Variants in ZYG11B observed in about 807,000 individuals in gnomAD.
ZYG11B encodes the protein zyg-11 family member B, cell cycle regulator.
ZYG11B carries 36 observed loss-of-function variants against 82.4 expected under a neutral mutation model. That is an observed-to-expected ratio of 0.44 (90% CI 0.33 to 0.58). The LOEUF is 0.58. Ranked by LOEUF, ZYG11B falls within the 20% of genes least tolerant of loss-of-function variation. The pLI is 0.02. For missense variants in ZYG11B, 552 were observed against 895.6 expected (o/e 0.62, Z 4.90); for synonymous variants, 303 against 312.8 (o/e 0.97, Z 0.33).
chr1:52,755,252 C>T (rs986277502), intron 1 of ZYG11B, among the ~76,000 whole-genome samples: 9 of 151,996 alleles, frequency 5.9e-5, no homozygotes, highest in African/African-American at 1.5e-4. Flanking sequence ...GGAGCCACTG[C>T]ACCCGGCCAA....
chr1:52,760,985 A>G (rs910594149), intron 2 of ZYG11B, among the ~76,000 whole-genome samples: 1 of 151,858 alleles, frequency 6.6e-6, no homozygotes, highest in Non-Finnish European at 1.5e-5. Context: ...CTGGTCTCGA[A>G]CTCCTGACAT....
intron 2 of ZYG11B, among the ~76,000 whole-genome samples, chr1:52,759,229 G>C (rs949738821): frequency 2.0e-5 from 3 of 152,162 alleles, no homozygotes; most frequent in African/African-American, 7.2e-5. Context: ...ACTGCACCCA[G>C]CCAGTGCTCA....
intron 2 of ZYG11B, among the ~76,000 whole-genome samples, chr1:52,766,091 TCTTTTTTTC>T (rs971970538): frequency 2.6e-5 from 4 of 151,178 alleles, no homozygotes; most frequent in African/African-American, 9.7e-5. Flanking sequence ...TTCATTTTTT[TCTTTTTTTC>T]CTTATTAAAT....
intron 1 of ZYG11B, among the ~76,000 whole-genome samples, chr1:52,728,146 C>T (rs915507641): frequency 5.9e-5 from 9 of 152,168 alleles, no homozygotes; most frequent in Middle Eastern, 3.2e-3. Context: ...ATTCCAAGTG[C>T]CCAGGCCAGC....
Position 52,784,803 on chromosome 1 carries a change from A to G in ZYG11B, c.1093-74A>G, listed in dbSNP as rs966652912. 8.0e-6 allele frequency: 12 copies of G among 1,493,532 alleles called. No homozygotes were observed. The African/African-American group carries it at 1.1e-4, about 14-fold the overall frequency. The allele number at this position is 1,493,532 out of a possible 1,614,324, so 92.5% of individuals were successfully genotyped here. The stretch of plus-strand genomic sequence containing the variant: ...ACATCTTTGAAATTACTATAGACCA[A>G]CAAAATAATTCTGCTCTGTGAAGAG... On this transcript the variant is annotated intron_variant, in intron 4 of 13. Coordinates refer to ENST00000294353, the MANE Select transcript of ZYG11B (RefSeq NM_024646.3).
Position 52,771,792 on chromosome 1 carries a change from T to C in ZYG11B, c.951+18T>C, listed in dbSNP as rs1340842306. The C allele has an allele frequency of 1.9e-6, 3 of 1,589,078 alleles. No homozygotes were observed. Among genetic ancestry groups the C allele is most frequent in the Non-Finnish European group, 2.6e-6 (3 of 1,167,926 alleles). On this transcript the variant is annotated intron_variant, in intron 3 of 13. Coordinates refer to ENST00000294353, the MANE Select transcript of ZYG11B (RefSeq NM_024646.3). The surrounding 1 kb of genome is among the most constrained non-coding windows in gnomAD (Gnocchi z 5.4). Reference sequence around the variant, plus strand: ...ATTTGAAGGTTAGACTTTAAAAATGTATTATTTTGTCAGGCTGACCAATAT... The same window carrying C: ...ATTTGAAGGTTAGACTTTAAAAATGCATTATTTTGTCAGGCTGACCAATAT...
chr1:52,759,856 A>G (rs1313652909), intron 2 of ZYG11B, among the ~76,000 whole-genome samples: 2 of 152,142 alleles, frequency 1.3e-5, no homozygotes, highest in Non-Finnish European at 2.9e-5. Flanking sequence ...CTTGAGACAG[A>G]GTCTTGCACT....
At chr1:52,734,357 C>CT (rs1040399950) in intron 1 of ZYG11B, among the ~76,000 whole-genome samples, 5 of 151,402 alleles carry the variant, frequency 3.3e-5, no homozygotes, top group African/African-American at 1.2e-4. Flanking sequence ...TAAAACACTG[C>CT]TTTTTTCATA....
chr1:52,759,334 GTAAC>G (rs1219739556), intron 2 of ZYG11B, among the ~76,000 whole-genome samples: 1 of 152,194 alleles, frequency 6.6e-6, no homozygotes, highest in East Asian at 1.9e-4. Context: ...CTTTGGAAAT[GTAAC>G]TACTGCTAGC....
At chr1:52,736,154 C>T (rs1475731433) in intron 1 of ZYG11B, among the ~76,000 whole-genome samples, 2 of 152,168 alleles carry the variant, frequency 1.3e-5, no homozygotes, top group African/African-American at 2.4e-5. Context: ...GATTGTACTG[C>T]ACAATTCAGC....
At position 52,826,233 on chromosome 1, in the gene ZYG11B, A is replaced by T. The variant is rs1214545616; in HGVS notation, c.*4604A>T. On this transcript the variant is annotated 3_prime_UTR_variant, in exon 14 of 14. Transcript: ENST00000294353. Reference sequence around the variant, plus strand: ...CTTTGTATTGCTAGGGCTTCAGAATACTAACTTTGACACAGCTCCCAGAGA... The same window carrying T: ...CTTTGTATTGCTAGGGCTTCAGAATTCTAACTTTGACACAGCTCCCAGAGA... 1 of 152,202 alleles carries T rather than the reference A, an allele frequency of 6.6e-6. No individual in the cohort carries two copies. Among genetic ancestry groups the T allele is most frequent in the African/African-American group, 2.4e-5 (1 of 41,456 alleles). The allele number at this position is 152,202 out of a possible 1,614,324, so 9.4% of individuals were successfully genotyped here.
At chr1:52,774,215 C>T (rs1314290374) in intron 3 of ZYG11B, among the ~76,000 whole-genome samples, 2 of 151,888 alleles carry the variant, frequency 1.3e-5, no homozygotes, top group Non-Finnish European at 2.9e-5. Context: ...AACAGGCTCA[C>T]TGCAGCCTCT....
Position 52,822,107 on chromosome 1 carries a change from A to G in ZYG11B, c.*478A>G, listed in dbSNP as rs1157769885. The G allele has an allele frequency of 6.6e-6, 1 of 152,400 alleles. No individual in the cohort carries two copies. Among genetic ancestry groups the G allele is most frequent in the Non-Finnish European group, 1.5e-5 (1 of 68,186 alleles). 9.4% of individuals were successfully genotyped at this position (152,400 alleles called of 1,614,324 possible). ...TATAAGATGTCCTTCTTAGTGTGAA[A>G]GAAGGGAAATGTGGATCATCTTGTG... On this transcript the variant is annotated 3_prime_UTR_variant, in exon 14 of 14. Transcript: ENST00000294353.
intron 1 of ZYG11B, among the ~76,000 whole-genome samples, chr1:52,750,089 C>G (rs1347945775): frequency 2.0e-5 from 3 of 151,936 alleles, no homozygotes; most frequent in African/African-American, 7.3e-5. Flanking sequence ...CTTGTTTAAA[C>G]TATTTATTTT....
At position 52,783,880 on chromosome 1, in the gene ZYG11B, GTA is replaced by G. The variant is rs140503826; in HGVS notation, c.1093-993_1093-992del. Among the ~76,000 whole-genome samples the G allele has an allele frequency of 1.7e-3, 168 of 96,802 alleles. 1 individual carries two copies. The highest frequency in any genetic ancestry group is 9.5e-3 in the African/African-American group (141 of 14,824). The allele number at this position is 96,802 out of a possible 152,430, so 63.5% of individuals were successfully genotyped here. ...TGTGTGTATGTACATACACGTGTGT[GTA>G]TATGTACATACACGTGTGTGTATAT... On this transcript the variant is annotated intron_variant, in intron 4 of 13. Coordinates refer to ENST00000294353, the MANE Select transcript of ZYG11B (RefSeq NM_024646.3).
At chr1:52,803,087 CATATATAT>C (rs1232248742) in intron 10 of ZYG11B, among the ~76,000 whole-genome samples, 41 of 22,544 alleles carry the variant, frequency 1.8e-3, no homozygotes, top group African/African-American at 4.2e-3. Context: ...TATATATACA[CATATATAT>C]ATACATATAT....
At chr1:52,768,236 A>AT (rs1016463761) in intron 2 of ZYG11B, among the ~76,000 whole-genome samples, 1 of 152,102 alleles carries the variant, frequency 6.6e-6, no homozygotes, top group African/African-American at 2.4e-5. Context: ...GTCTGTGCCC[A>AT]TTGGTGTTTC....
At chr1:52,778,215 C>T (rs1471705952) in intron 3 of ZYG11B, among the ~76,000 whole-genome samples, 1 of 152,194 alleles carries the variant, frequency 6.6e-6, no homozygotes, top group Non-Finnish European at 1.5e-5. Flanking sequence ...TCATCCCTTT[C>T]TTTTCCTTAT....
chr1:52,803,133 T>TATAC (rs1237953935), intron 10 of ZYG11B, among the ~76,000 whole-genome samples: 27 of 65,302 alleles, frequency 4.1e-4, no homozygotes, highest in South Asian at 3.0e-3. Flanking sequence ...CATATATATA[T>TATAC]ACACACATAT....
Sources: gnomAD v4.1 joint callset for allele counts (sites outside exome capture counted in the v4.1 genomes callset) on GRCh38, gnomAD v4.1.1 for gene constraint, Gnocchi (gnomAD v3.1) non-coding constraint, MANE v1.5 for transcripts, NCBI Gene and HGNC (gene_info 2026-07-23, HGNC 2026-07-21) for gene names.